KDM1B: variants seen among roughly 807,000 people sequenced by gnomAD.
KDM1B encodes the protein lysine demethylase 1B, also known as lysine-specific histone demethylase 2.
Under a neutral mutation model 107.4 loss-of-function variants are expected in KDM1B, and 63 were observed. The observed-to-expected ratio is 0.59, with a 90% CI of 0.48 to 0.72. The LOEUF (loss-of-function observed/expected upper bound fraction) is 0.72, where lower values mean the gene tolerates loss of function less well. KDM1B is among the 30% of genes least tolerant of loss of function. KDM1B has a pLI of 0.00. For synonymous variants in KDM1B, 363 were observed against 363.9 expected (o/e 1.00, Z 0.03); for missense variants, 749 against 1,020.8 (o/e 0.73, Z 3.63).
intron 7 of KDM1B, among the ~76,000 whole-genome samples, chr6:18,181,704 C>T (rs1786490514): frequency 6.6e-6 from 1 of 152,068 alleles, no homozygotes; most frequent in South Asian, 2.1e-4. Context: ...CAAGATGGCA[C>T]CACTGCACTC....
At chr6:18,202,244 A>AAAG (rs200922142) in intron 14 of KDM1B, among the ~76,000 whole-genome samples, 17 of 143,564 alleles carry the variant, frequency 1.2e-4, no homozygotes, top group African/African-American at 4.2e-4. Context: ...ACAAAAAAAA[A>AAAG]GGGCGGGGGG....
chr6:18,208,621 A>ATATATATATATATATATATATC (rs1788572591), intron 17 of KDM1B, among the ~76,000 whole-genome samples: 1 of 37,860 alleles, frequency 2.6e-5, no homozygotes, highest in Non-Finnish European at 4.8e-5. Flanking sequence ...ATATATATAT[A>ATATATATATATATATATATATC]TATATATTTT....
At chr6:18,170,082 T>A (rs927618122) in intron 6 of KDM1B, among the ~76,000 whole-genome samples, 44 of 151,608 alleles carry the variant, frequency 2.9e-4, no homozygotes, top group Admixed American at 1.1e-3. Context: ...CTAATTTTTT[T>A]ATATTTTTAG....
intron 6 of KDM1B, among the ~76,000 whole-genome samples, chr6:18,167,119 G>A (rs1431678943): frequency 2.0e-5 from 3 of 152,072 alleles, no homozygotes; most frequent in Non-Finnish European, 4.4e-5. Context: ...CACTTTGGGA[G>A]GCTGAGGTGG....
At chr6:18,199,699 C>CTT (rs10706835) in intron 12 of KDM1B, among the ~76,000 whole-genome samples, 9 of 139,338 alleles carry the variant, frequency 6.5e-5, no homozygotes, top group Non-Finnish European at 7.9e-5. Context: ...GAGTGGCATA[C>CTT]TTTTTTTTTT....
rs1236156267 is a variant in KDM1B at position 18,159,802 on chromosome 6, C to G, written c.-13-81C>G. 1 of 715,484 alleles carries G rather than the reference C, an allele frequency of 1.4e-6. No homozygotes were observed. The highest frequency in any genetic ancestry group is 2.4e-6 in the Non-Finnish European group (1 of 414,456). The allele number at this position is 715,484 out of a possible 1,614,324, so 44.3% of individuals were successfully genotyped here. On this transcript the variant is annotated intron_variant, in intron 2 of 21. Coordinates refer to ENST00000650836, the MANE Select transcript of KDM1B (RefSeq NM_001364614.2). This position sits in a 1 kb window ranked among gnomAD's most constrained non-coding sequence, Gnocchi z 4.5. ...CAATCTGACATACATTCTTACCTAC[C>G]AAAGTGTATAATAACTTGCTCCAGA... is the stretch of plus-strand genomic sequence containing the variant.
At chr6:18,208,308 T>C (rs1788531052) in intron 17 of KDM1B, 102 bp downstream of exon 17, 1 of 797,616 alleles carries the variant, frequency 1.3e-6, no homozygotes, top group Non-Finnish European at 2.1e-6. Context: ...TTTGGGAATC[T>C]GCCTGGACCC....
At chr6:18,167,616 C>T (rs907936916) in intron 6 of KDM1B, among the ~76,000 whole-genome samples, 7 of 151,002 alleles carry the variant, frequency 4.6e-5, no homozygotes, top group East Asian at 4.0e-4. Context: ...TGGGACTCTC[C>T]GCACATGCTA....
At position 18,201,764 on chromosome 6, in the gene KDM1B, T is replaced by G. The variant is rs1788049186; in HGVS notation, c.1531+107T>G. On this transcript the variant is annotated intron_variant, in intron 14 of 21. Coordinates refer to ENST00000650836, the MANE Select transcript of KDM1B (RefSeq NM_001364614.2). The surrounding 1 kb of genome is among the most constrained non-coding windows in gnomAD (Gnocchi z 4.3). Reference sequence around the variant, plus strand: ...GCGAGGTCGGATGTCGGCAACAGGGTAGCCCTCCTGAGCATTTCTTTTGGA... The same window carrying G: ...GCGAGGTCGGATGTCGGCAACAGGGGAGCCCTCCTGAGCATTTCTTTTGGA... 3.2e-6 allele frequency: 3 copies of G among 938,042 alleles called. No individual in the cohort carries two copies. The Admixed American group carries it at 8.8e-5, about 27-fold the overall frequency. 58.1% of individuals were successfully genotyped at this position (938,042 alleles called of 1,614,324 possible).
intron 7 of KDM1B, among the ~76,000 whole-genome samples, chr6:18,179,485 A>T (rs182403894): frequency 6.6e-6 from 1 of 152,274 alleles, no homozygotes; most frequent in Admixed American, 6.5e-5. Flanking sequence ...GGTTGAATTC[A>T]CTAATGAAAC....
intron 7 of KDM1B, among the ~76,000 whole-genome samples, chr6:18,176,138 T>A (rs1178551030): frequency 6.6e-6 from 1 of 152,154 alleles, no homozygotes; most frequent in Non-Finnish European, 1.5e-5. Context: ...TCCAGCAGTG[T>A]TTTGTAGTTT....
chr6:18,183,883 C>A (rs1238920402), intron 7 of KDM1B, among the ~76,000 whole-genome samples: 2 of 152,038 alleles, frequency 1.3e-5, no homozygotes, highest in Non-Finnish European at 2.9e-5. Context: ...ACAAATGCTA[C>A]TGTGAGCATT....
chr6:18,179,190 T>C (rs1443241533), intron 7 of KDM1B, among the ~76,000 whole-genome samples: 7 of 152,230 alleles, frequency 4.6e-5, no homozygotes, highest in Admixed American at 4.6e-4. Context: ...TCAGCAAATG[T>C]AATGAATTAT....
chr6:18,196,341 G>GCTGGTAGT (rs1437618748), intron 10 of KDM1B, among the ~76,000 whole-genome samples: 1 of 152,118 alleles, frequency 6.6e-6, no homozygotes, highest in Admixed American at 6.5e-5. Context: ...TGACTACCCT[G>GCTGGTAGT]CAGTGGGGGT....
At chr6:18,164,381 G>T (rs533316142) in intron 5 of KDM1B, among the ~76,000 whole-genome samples, 32 of 152,168 alleles carry the variant, frequency 2.1e-4, no homozygotes, top group Middle Eastern at 3.4e-3. Flanking sequence ...GCCTGCCTCA[G>T]CCTCCCAAAG....
At chr6:18,165,625 C>CCA (rs1785247563) in intron 5 of KDM1B, among the ~76,000 whole-genome samples, 1 of 151,982 alleles carries the variant, frequency 6.6e-6, no homozygotes, top group South Asian at 2.1e-4. Context: ...GAGTTCGGGA[C>CCA]CAGCCTGGCC....
At position 18,183,554 on chromosome 6, in the gene KDM1B, C is replaced by T. The variant is rs191698080; in HGVS notation, c.535-2218C>T. On this transcript the variant is annotated intron_variant, in intron 7 of 21. Coordinates refer to ENST00000650836, the MANE Select transcript of KDM1B (RefSeq NM_001364614.2). ...GGATTACAGATGTGAGCCACCACGC[C>T]GGGCCCTGAATTTTGTCTTTCTTAC... 5.5e-3 allele frequency among the ~76,000 whole-genome samples: 829 copies of T among 152,046 alleles called. 3 individuals are homozygous for T. Among genetic ancestry groups the T allele is most frequent in the Non-Finnish European group, 8.8e-3 (595 of 67,974 alleles).
chr6:18,157,383 T>G (rs1266133678), intron 2 of KDM1B, among the ~76,000 whole-genome samples: 1 of 152,194 alleles, frequency 6.6e-6, no homozygotes, highest in Admixed American at 6.5e-5. Context: ...AACCATTTCT[T>G]GAATTCTTTG....
chr6:18,190,196 G>C (rs997153320), intron 9 of KDM1B, among the ~76,000 whole-genome samples: 1 of 151,976 alleles, frequency 6.6e-6, no homozygotes, highest in African/African-American at 2.4e-5. Flanking sequence ...ATGAGGAGTG[G>C]GCATTCAGTG....
Sources: allele counts gnomAD v4.1 joint callset (sites outside exome capture counted in the v4.1 genomes callset), GRCh38; gene constraint gnomAD v4.1.1; non-coding constraint Gnocchi (gnomAD v3.1); transcripts MANE v1.5; gene names NCBI Gene and HGNC (gene_info 2026-07-23, HGNC 2026-07-21).